Variants in AAGAB observed in about 807,000 individuals in gnomAD.
The protein encoded by AAGAB is alpha- and gamma-adaptin-binding protein p34.
A neutral mutation model predicts 44.1 loss-of-function variants in AAGAB; 38 were observed. The observed-to-expected ratio is 0.86, with a 90% CI of 0.67 to 1.13. The LOEUF is 1.13. Among genes scored for constraint, AAGAB ranks in the 50% most tolerant of loss-of-function variants. The probability of loss-of-function intolerance (pLI) is 0.00; values close to 1 mark genes in which losing one functional copy is unlikely to be tolerated. For missense variants in AAGAB, 450 were observed against 373.8 expected (o/e 1.20, Z -1.68); for synonymous variants, 131 against 131.8 (o/e 0.99, Z 0.04).
chr15:67,222,242 G>GCGCA (rs1367738219), intron 5 of AAGAB, among the ~76,000 whole-genome samples: 10,261 of 89,888 alleles, frequency 0.11, 430 homozygotes, highest in Non-Finnish European at 0.14. Context: ...GCGCGCGCGC[G>GCGCA]CACACACACA....
At chr15:67,218,043 C>T (rs1318814813) in intron 5 of AAGAB, among the ~76,000 whole-genome samples, 3 of 152,328 alleles carry the variant, frequency 2.0e-5, no homozygotes, top group African/African-American at 4.8e-5. Flanking sequence ...ACTAATCCTC[C>T]TCCATCTGCA....
chr15:67,245,954 G>A (rs1239189076), intron 1 of AAGAB, among the ~76,000 whole-genome samples: 2 of 152,172 alleles, frequency 1.3e-5, no homozygotes, highest in African/African-American at 4.8e-5. Flanking sequence ...ATCTCAGCAG[G>A]CTGGAGTTTG....
In AAGAB at chr15:67,254,604, C is replaced by T. The variant is rs774257097; in HGVS notation, c.28G>A (p.Val10Ile). Reference sequence around the variant, plus strand: ...GAGAAGACGGAGGAGCAGCTGGTGACTAACGCACAGGGTACGCCAGCAGCC... The same window carrying T: ...GAGAAGACGGAGGAGCAGCTGGTGATTAACGCACAGGGTACGCCAGCAGCC... MAAGVPCAL[V>I]TSCSSVFSGD... is the part of the protein sequence containing the mutation. Residue 10 changes from valine (V) to isoleucine (I), a missense_variant, in exon 1 of 10, where the codon GTC becomes ATC. Physicochemically the swap from Val to Ile is conservative, Grantham distance 29 (BLOSUM62 3). Transcript: ENST00000261880. 8.7e-6 allele frequency: 14 copies of T among 1,608,962 alleles called. No individual in the cohort carries two copies. Among genetic ancestry groups the T allele is most frequent in the Non-Finnish European group, 8.5e-6 (10 of 1,178,882 alleles).
At chr15:67,232,420 C>T (rs1037207328) in intron 4 of AAGAB, 4 of 200,538 alleles carry the variant, frequency 2.0e-5, no homozygotes, top group African/African-American at 4.7e-5. Flanking sequence ...TTTTCTTCCT[C>T]GGCTGTCTGA....
chr15:67,217,771 C>T (rs1265538321), intron 5 of AAGAB, among the ~76,000 whole-genome samples: 2 of 152,080 alleles, frequency 1.3e-5, no homozygotes, highest in Non-Finnish European at 2.9e-5. Flanking sequence ...CTCCTGACCT[C>T]GTGATCCACC....
At chr15:67,214,465 G>A (rs916937400) in intron 5 of AAGAB, among the ~76,000 whole-genome samples, 2 of 152,148 alleles carry the variant, frequency 1.3e-5, no homozygotes, top group African/African-American at 4.8e-5. Flanking sequence ...GAATTCTTTG[G>A]TGTGTGGGTA....
intron 7 of AAGAB, 94 bp from the exon 8 acceptor site, chr15:67,204,242 A>C: frequency 1.2e-6 from 1 of 843,202 alleles, no homozygotes; most frequent in Middle Eastern, 2.3e-4. Flanking sequence ...TGATGAAGTC[A>C]CCAATGATCG....
intron 5 of AAGAB, among the ~76,000 whole-genome samples, chr15:67,223,763 T>C (rs186027417): frequency 4.6e-5 from 7 of 152,204 alleles, no homozygotes; most frequent in Non-Finnish European, 5.9e-5. Flanking sequence ...GTCAAAGTTA[T>C]TATGATGGCC....
upstream of AAGAB, chr15:67,254,964 C>CCCCGG (rs1416097414): frequency 3.1e-6 from 5 of 1,610,324 alleles, no homozygotes; most frequent in Non-Finnish European, 4.2e-6. Flanking sequence ...AACGGGCTTC[C>CCCCGG]CCCGGCCCTG....
intron 5 of AAGAB, among the ~76,000 whole-genome samples, chr15:67,209,965 C>T (rs914779638): frequency 6.6e-6 from 1 of 152,228 alleles, no homozygotes; most frequent in South Asian, 2.1e-4. Context: ...ACCCCTGGCC[C>T]TGAATACATT....
At chr15:67,234,836 A>T (rs1964424281) in intron 4 of AAGAB, among the ~76,000 whole-genome samples, 1 of 152,184 alleles carries the variant, frequency 6.6e-6, no homozygotes, top group African/African-American at 2.4e-5. Context: ...AAAGATGTAC[A>T]TGCTAATTTT....
At chr15:67,245,828 AT>A (rs545901887) in intron 1 of AAGAB, among the ~76,000 whole-genome samples, 9 of 152,192 alleles carry the variant, frequency 5.9e-5, no homozygotes, top group Middle Eastern at 3.4e-3. Flanking sequence ...CAATCCACAG[AT>A]TTTTTTTCCC....
rs1317782209 is a variant in AAGAB, at chr15:67,254,620, G to C, written c.12C>G (p.Gly4=). Residue 4 remains glycine (G), a synonymous_variant, in exon 1 of 10, where the codon GGC becomes GGG. Transcript: ENST00000261880. ...AGCTGGTGACTAACGCACAGGGTAC[G>C]CCAGCAGCCATAGCTGCGCTCGCGA... MAA[G]VPCALVTSCS... 1 of 1,602,862 alleles carries C rather than the reference G, an allele frequency of 6.2e-7. No individual in the cohort carries two copies.
chr15:67,211,388 A>C (rs1963817283), intron 5 of AAGAB, among the ~76,000 whole-genome samples: 1 of 152,174 alleles, frequency 6.6e-6, no homozygotes, highest in Non-Finnish European at 1.5e-5. Context: ...AGGGGACCAA[A>C]GTTTCAGCAG....
chr15:67,236,191 A>T, intron 3 of AAGAB, 123 bp from the exon 4 acceptor site: 2 of 876,118 alleles, frequency 2.3e-6, no homozygotes, highest in Non-Finnish European at 3.5e-6. Flanking sequence ...AAAGGCATCT[A>T]AAATAATAAA....
At chr15:67,211,206 T>C (rs937922672) in intron 5 of AAGAB, among the ~76,000 whole-genome samples, 1 of 152,188 alleles carries the variant, frequency 6.6e-6, no homozygotes, top group African/African-American at 2.4e-5. Flanking sequence ...ATCAACCCAG[T>C]ACCTCTGCAT....
rs142277494 is a variant in AAGAB, at chr15:67,237,025, G to T, written c.74-205C>A. On this transcript the variant is annotated intron_variant, in intron 1 of 9. Transcript: ENST00000261880. Reference sequence around the variant, plus strand: ...TTATGGTGATATAATTTAAGTCATTGACATTTTCTCTTTAAGAACACAAAA... The same window carrying T: ...TTATGGTGATATAATTTAAGTCATTTACATTTTCTCTTTAAGAACACAAAA... 2.1e-4 allele frequency among the ~76,000 whole-genome samples: 32 copies of T among 152,014 alleles called. 1 individual carries two copies. The highest frequency in any genetic ancestry group is 2.9e-5 in the Non-Finnish European group (2 of 67,976).
intron 5 of AAGAB, among the ~76,000 whole-genome samples, chr15:67,211,294 T>A (rs978444601): frequency 4.6e-5 from 7 of 152,196 alleles, no homozygotes; most frequent in African/African-American, 1.4e-4. Context: ...ACCTCAACAG[T>A]GGCAGCATGG....
chr15:67,209,441 A>T, intron 6 of AAGAB, 21 bp downstream of exon 6: 1 of 1,595,532 alleles, frequency 6.3e-7, no homozygotes, highest in Non-Finnish European at 8.6e-7. Flanking sequence ...GAGGGAAAAA[A>T]GATCCAAGAA....
Sources: gnomAD v4.1 joint callset for allele counts (sites outside exome capture counted in the v4.1 genomes callset) on GRCh38, gnomAD v4.1.1 for gene constraint, MANE v1.5 for transcripts, NCBI Gene and HGNC (gene_info 2026-07-23, HGNC 2026-07-21) for gene names.